VPS13A: variants seen among roughly 807,000 people sequenced by gnomAD.
VPS13A encodes vacuolar protein sorting 13 homolog A.
In VPS13A, 264 loss-of-function variants were observed where a neutral mutation model predicts 390.9. The ratio of observed to expected loss-of-function variants is 0.68; its 90% CI spans 0.61 to 0.75. The LOEUF is 0.75. VPS13A is among the 30% of genes least tolerant of loss of function. The pLI is 0.00. For synonymous variants in VPS13A, 1,231 were observed against 1,227.1 expected (o/e 1.00, Z -0.07); for missense variants, 3,409 against 3,733.9 (o/e 0.91, Z 2.27).
At position 77,405,680 on chromosome 9, in the gene VPS13A, A is replaced by T. The variant is rs1834567465; in HGVS notation, c.9276-184A>T. Among the ~76,000 whole-genome samples, 3 of 152,148 alleles carry T rather than the reference A, an allele frequency of 2.0e-5. No homozygotes were observed. The South Asian group carries it at 6.2e-4, about 32-fold the overall frequency. On this transcript the variant is annotated intron_variant, in intron 69 of 71. Coordinates refer to ENST00000360280, the MANE Select transcript of VPS13A (RefSeq NM_033305.3). Reference sequence around the variant, plus strand: ...ATCTTTTTGTTTGGGTTTCTAGTTTAGTTCTGTTATGATCTGAGGACACAC... The same window carrying T: ...ATCTTTTTGTTTGGGTTTCTAGTTTTGTTCTGTTATGATCTGAGGACACAC...
chr9:77,225,933 A>G lies in VPS13A; in HGVS notation c.1169A>G (p.Glu390Gly), dbSNP rs1226374535. The G allele has an allele frequency of 1.2e-6, 2 of 1,611,484 alleles. No homozygotes were observed. Among genetic ancestry groups the G allele is most frequent in the African/African-American group, 1.3e-5 (1 of 74,840 alleles). The change falls in exon 14 of 72, where the codon GAA becomes GGA. Residue 390 changes from glutamate to glycine, a missense_variant. Glu to Gly is a moderately conservative substitution (Grantham distance 98, BLOSUM62 -2). Around this residue, in one of 5 missense-constraint regions of VPS13A, gnomAD observed 2,717 missense variants for 2,917.4 expected, o/e 0.93. Coordinates refer to ENST00000360280, the MANE Select transcript of VPS13A (RefSeq NM_033305.3). ...TTTGTTTATATTTTTCAGGAGTTGG[A>G]AAAAACCTTGGATGTCTTTAATATA... is the stretch of plus-strand genomic sequence containing the variant. ...GELLVSLEEL[E>G]KTLDVFNITI...
Position 77,302,897 on chromosome 9 carries a change from T to C in VPS13A, c.3813-18T>C. The C allele has an allele frequency of 6.2e-7, 1 of 1,607,740 alleles. No individual in the cohort carries two copies. Among genetic ancestry groups the C allele is most frequent in the Non-Finnish European group, 8.5e-7 (1 of 1,174,458 alleles). ...ATGTATATGAAACAATTTAAAAGAA[T>C]GTTATCTCTACTTATAGATCTCGAT... On this transcript the variant is annotated intron_variant, in intron 33 of 71. Transcript: ENST00000360280.
At chr9:77,279,133 G>A (rs879296649) in intron 26 of VPS13A, among the ~76,000 whole-genome samples, 2 of 152,234 alleles carry the variant, frequency 1.3e-5, no homozygotes, top group Admixed American at 6.5e-5. Context: ...GGGGGCCATT[G>A]TGACTGCCTG....
intron 68 of VPS13A, among the ~76,000 whole-genome samples, chr9:77,401,549 T>C (rs1170354832): frequency 6.6e-6 from 1 of 152,190 alleles, no homozygotes; most frequent in African/African-American, 2.4e-5. Context: ...ATTTATCTTT[T>C]TATTACCCTT....
At chr9:77,294,244 A>G (rs1827846201) in intron 32 of VPS13A, among the ~76,000 whole-genome samples, 1 of 152,160 alleles carries the variant, frequency 6.6e-6, no homozygotes, top group Non-Finnish European at 1.5e-5. Flanking sequence ...TTGCATTGTC[A>G]TTCTGTGAAT....
intron 1 of VPS13A, among the ~76,000 whole-genome samples, chr9:77,191,703 C>T (rs1157639594): frequency 6.6e-6 from 1 of 152,160 alleles, no homozygotes; most frequent in African/African-American, 2.4e-5. Flanking sequence ...GAGAGATCTT[C>T]TTGGTATTGT....
chr9:77,403,918 G>A (rs1834488417), intron 69 of VPS13A, among the ~76,000 whole-genome samples: 1 of 152,156 alleles, frequency 6.6e-6, no homozygotes, highest in Non-Finnish European at 1.5e-5. Context: ...GGCTAGCAGG[G>A]AGAAGTTAGA....
At chr9:77,389,272 CTTTA>C (rs1360960745) in intron 68 of VPS13A, among the ~76,000 whole-genome samples, 10 of 149,772 alleles carry the variant, frequency 6.7e-5, no homozygotes, top group Admixed American at 6.6e-4. Flanking sequence ...GAAACCTAGT[CTTTA>C]TTTATGGAGC....
At chr9:77,383,303 C>T (rs1833536855) in intron 68 of VPS13A, among the ~76,000 whole-genome samples, 1 of 151,984 alleles carries the variant, frequency 6.6e-6, no homozygotes, top group South Asian at 2.1e-4. Flanking sequence ...GCATCAAAAT[C>T]ATTGTATATT....
chr9:77,308,463 T>C (rs1268673791), intron 35 of VPS13A, among the ~76,000 whole-genome samples: 1 of 152,160 alleles, frequency 6.6e-6, no homozygotes, highest in African/African-American at 2.4e-5. Context: ...ATCTTCTCCC[T>C]ATCCCTAGTG....
Position 77,226,584 on chromosome 9 carries a change from A to G in VPS13A, c.1343A>G (p.Asp448Gly), listed in dbSNP as rs376343934. ...CAAAATACTAATGAACAGCAACCAGATGTTCAACCTGAAAGTATGTCCATT... is the reference window on the plus strand; with the variant it reads ...CAAAATACTAATGAACAGCAACCAGGTGTTCAACCTGAAAGTATGTCCATT... Reference protein sequence around the residue: ...SEQNTNEQQPDVQPETLEEML... With the variant: ...SEQNTNEQQPGVQPETLEEML... The change falls in exon 15 of 72, where the codon GAT becomes GGT. Residue 448 changes from aspartate to glycine, a missense_variant. Around this residue, in one of 5 missense-constraint regions of VPS13A, gnomAD observed 2,717 missense variants for 2,917.4 expected, o/e 0.93. Transcript: ENST00000360280. The G allele has an allele frequency of 2.5e-6, 4 of 1,612,478 alleles. No homozygotes were observed. In the African/African-American group the frequency reaches 5.3e-5, roughly 22 times the overall value.
chr9:77,357,835 A>C lies in VPS13A; in HGVS notation c.7950A>C (p.Ile2650=), dbSNP rs1341166427. The change falls in exon 56 of 72, where the codon ATA becomes ATC. Residue 2650 remains isoleucine, a synonymous_variant. Coordinates refer to ENST00000360280, the MANE Select transcript of VPS13A (RefSeq NM_033305.3). ...CATTTAGAATTCAGATTTACAGAAT[A>C]CAGGTAAGTCTTTCTGAAAATATAG... ...QSSFRIQIYR[I]QIQNQIHGAV... 1 of 1,613,378 alleles carries C rather than the reference A, an allele frequency of 6.2e-7. No individual in the cohort carries two copies.
At chr9:77,232,203 C>G (rs779290129) in intron 17 of VPS13A, among the ~76,000 whole-genome samples, 15 of 151,972 alleles carry the variant, frequency 9.9e-5, no homozygotes, top group Non-Finnish European at 1.3e-4. Context: ...AAGTGTCTTC[C>G]CTATTTTGTT....
rs759318000 is a variant in VPS13A, at chr9:77,226,562, A to G, written c.1321A>G (p.Asn441Asp). 1.2e-6 allele frequency: 2 copies of G among 1,613,110 alleles called. No individual in the cohort carries two copies. The highest frequency in any genetic ancestry group is 1.7e-6 in the Non-Finnish European group (2 of 1,179,370). ...FSWLWSWSEQ[N>D]TNEQQPDVQP... ...CTGGCTATGGTCTTGGTCAGAACAA[A>G]ATACTAATGAACAGCAACCAGATGT... The change falls in exon 15 of 72, where the codon AAT (asparagine) becomes GAT (aspartate). Residue 441 changes from asparagine to aspartate, a missense_variant. By Grantham distance (23) the Asn-to-Asp change is conservative. Coordinates refer to ENST00000360280, the MANE Select transcript of VPS13A (RefSeq NM_033305.3).
At chr9:77,281,957 G>T in intron 28 of VPS13A, 31 bp downstream of exon 28, 1 of 1,411,298 alleles carries the variant, frequency 7.1e-7, no homozygotes, top group Non-Finnish European at 9.9e-7. Flanking sequence ...TTTTAATTAT[G>T]TACTATTTCT....
intron 45 of VPS13A, among the ~76,000 whole-genome samples, chr9:77,328,708 A>G (rs1038715048): frequency 2.0e-5 from 3 of 152,124 alleles, no homozygotes; most frequent in African/African-American, 7.2e-5. Context: ...TCTGCTTCCA[A>G]CTTTTTTTCT....
intron 5 of VPS13A, among the ~76,000 whole-genome samples, chr9:77,207,225 A>ATATATATG (rs1825695228): frequency 1.1e-5 from 1 of 88,444 alleles, no homozygotes; most frequent in Non-Finnish European, 2.4e-5. Flanking sequence ...ATATATATAT[A>ATATATATG]TATATATATA....
chr9:77,406,458 C>T (rs576406247), intron 70 of VPS13A, among the ~76,000 whole-genome samples: 173 of 152,212 alleles, frequency 1.1e-3, no homozygotes, highest in Non-Finnish European at 1.4e-3. Context: ...CTTGCCCTGT[C>T]GCCCAAGCTG....
At chr9:77,260,312 CA>C (rs1825682473) in intron 23 of VPS13A, 88 bp downstream of exon 23, 2 of 963,914 alleles carry the variant, frequency 2.1e-6, no homozygotes, top group Admixed American at 2.3e-5. Context: ...TTATATAAGA[CA>C]ATTTGCAATT....
Sources: allele counts gnomAD v4.1 joint callset (sites outside exome capture counted in the v4.1 genomes callset), GRCh38; gene constraint gnomAD v4.1.1; regional missense constraint gnomAD v4.1.1; transcripts MANE v1.5; gene names NCBI Gene and HGNC (gene_info 2026-07-23, HGNC 2026-07-21).